Variants in KCNG2 observed in about 807,000 individuals in gnomAD.
KCNG2 encodes the protein potassium voltage-gated channel modifier subfamily G member 2.
KCNG2 carries 7 observed loss-of-function variants against 12.3 expected under a neutral mutation model. The ratio of observed to expected loss-of-function variants is 0.57; its 90% CI spans 0.32 to 1.07. The LOEUF is 1.07. KCNG2 is among the 50% of genes least tolerant of loss of function. The probability of loss-of-function intolerance (pLI) is 0.04; values close to 1 mark genes in which losing one functional copy is unlikely to be tolerated. For missense variants in KCNG2, 703 were observed against 726.0 expected (o/e 0.97, Z 0.36); for synonymous variants, 414 against 351.4 (o/e 1.18, Z -1.99).
At chr18:79,876,283 T>G (rs1283882181) in intron 3 of KCNG2, 1 of 152,500 alleles carries the variant, frequency 6.6e-6, no homozygotes, top group Non-Finnish European at 1.5e-5. Context: ...GCAGGTATGA[T>G]TGAGCTGGCG....
At chr18:79,807,802 C>T (rs1230651029) in intron 1 of KCNG2, among the ~76,000 whole-genome samples, 7 of 146,478 alleles carry the variant, frequency 4.8e-5, no homozygotes, top group South Asian at 2.3e-4. Flanking sequence ...CCACACTCCA[C>T]GTTATGGGCC....
Position 79,822,450 on chromosome 18 carries a change from A to AT in KCNG2, c.-115+24443dup, listed in dbSNP as rs1043968846. 9.2e-5 allele frequency among the ~76,000 whole-genome samples: 14 copies of AT among 151,984 alleles called. No individual in the cohort carries two copies. Among genetic ancestry groups the AT allele is most frequent in the Admixed American group, 2.0e-4 (3 of 15,280 alleles). On this transcript the variant is annotated intron_variant, in intron 1 of 3. Transcript: ENST00000316249. The surrounding 1 kb of genome is among the most constrained non-coding windows in gnomAD (Gnocchi z 4.4). ...AATATTGATACTTTTTAAAGTTATT[A>AT]TTTTTTTGAGACAGGGTCTCACTCT...
intron 2 of KCNG2, among the ~76,000 whole-genome samples, chr18:79,858,062 GTGATCT>G (rs1979082643): frequency 6.6e-6 from 1 of 152,106 alleles, no homozygotes; most frequent in African/African-American, 2.4e-5. Context: ...GCGCAGTGGC[GTGATCT>G]TGTCTCACTG....
chr18:79,845,313 A>G (rs12607467), intron 1 of KCNG2, among the ~76,000 whole-genome samples: 14,056 of 151,950 alleles, frequency 0.093, 893 homozygotes, highest in African/African-American at 0.18. Flanking sequence ...CGCAGGAGGG[A>G]CCCTTGTGTG....
chr18:79,820,689 C>G (rs1182275688), intron 1 of KCNG2, among the ~76,000 whole-genome samples: 1 of 152,210 alleles, frequency 6.6e-6, no homozygotes, highest in Non-Finnish European at 1.5e-5. Flanking sequence ...GAGACAGGGT[C>G]TCACTCTGTT....
At chr18:79,883,179 C>T (rs1980385690) in intron 3 of KCNG2, among the ~76,000 whole-genome samples, 1 of 152,180 alleles carries the variant, frequency 6.6e-6, no homozygotes, top group South Asian at 2.1e-4. Context: ...AGAGGCCAGG[C>T]CAGGAAGCCA....
intron 1 of KCNG2, among the ~76,000 whole-genome samples, chr18:79,810,473 A>G (rs1185845021): frequency 1.3e-5 from 2 of 152,214 alleles, no homozygotes; most frequent in African/African-American, 4.8e-5. Flanking sequence ...GTAGAAATCA[A>G]AAATTAAAAA....
At chr18:79,863,007 G>A (rs1237307010) in intron 2 of KCNG2, among the ~76,000 whole-genome samples, 1 of 152,224 alleles carries the variant, frequency 6.6e-6, no homozygotes, top group Non-Finnish European at 1.5e-5. Flanking sequence ...AGTGCCCCAC[G>A]GTTGGTGCAA....
chr18:79,845,432 G>A (rs1440490285), intron 1 of KCNG2, among the ~76,000 whole-genome samples: 1 of 152,182 alleles, frequency 6.6e-6, no homozygotes, highest in African/African-American at 2.4e-5. Flanking sequence ...GTGCAAGGGT[G>A]CCCGTGTATT....
At position 79,818,623 on chromosome 18, in the gene KCNG2, G is replaced by A. The variant is rs537861646; in HGVS notation, c.-115+20609G>A. ...GTCACCATGTATGACAGTCCCTCCC[G>A]CCAGCATCTCCGATGCGGAAACTGC... On this transcript the variant is annotated intron_variant, in intron 1 of 3. Coordinates refer to ENST00000316249, the MANE Select transcript of KCNG2 (RefSeq NM_012283.2). Among the ~76,000 whole-genome samples, 22 of 152,284 alleles carry A rather than the reference G, an allele frequency of 1.4e-4. 1 individual carries two copies. The highest frequency in any genetic ancestry group is 6.8e-3 in the Middle Eastern group (2 of 294).
At position 79,797,952 on chromosome 18, in the gene KCNG2, C is replaced by T. The variant is rs1049568222; in HGVS notation, c.-177C>T. Among the ~76,000 whole-genome samples, 1 of 151,154 alleles carries T rather than the reference C, an allele frequency of 6.6e-6. No individual in the cohort carries two copies. The highest frequency in any genetic ancestry group is 1.5e-5 in the Non-Finnish European group (1 of 67,712). ...ATGCCGGCTCCAGAGACGCCGCGCT[C>T]CGCCCCGAGGAGGCCGCCGGCCGGG... is the stretch of plus-strand genomic sequence containing the variant. On this transcript the variant is annotated 5_prime_UTR_variant, in exon 1 of 4. Coordinates refer to ENST00000316249, the MANE Select transcript of KCNG2 (RefSeq NM_012283.2).
rs1301480677 is a variant in KCNG2, at chr18:79,856,659, C to G, written c.-41+207C>G. ...CAGGCGCAGCCCCTTCCGAACCCCG[C>G]CTGGGACTGCAGAGGACAGGGGAGC... is the stretch of plus-strand genomic sequence containing the variant. On this transcript the variant is annotated intron_variant, in intron 2 of 3. Coordinates refer to ENST00000316249, the MANE Select transcript of KCNG2 (RefSeq NM_012283.2). Among the ~76,000 whole-genome samples, 5 of 152,282 alleles carry G rather than the reference C, an allele frequency of 3.3e-5. No homozygotes were observed. In the East Asian group the frequency reaches 9.7e-4, roughly 29 times the overall value.
chr18:79,836,655 G>A (rs796331580), intron 1 of KCNG2, among the ~76,000 whole-genome samples: 1 of 152,104 alleles, frequency 6.6e-6, no homozygotes, highest in East Asian at 1.9e-4. Flanking sequence ...CAATCATGGC[G>A]AGAGGTAAAG....
chr18:79,798,928 C>T (rs1029436804), intron 1 of KCNG2, among the ~76,000 whole-genome samples: 2 of 152,186 alleles, frequency 1.3e-5, no homozygotes, highest in Admixed American at 6.5e-5. Flanking sequence ...GTGGAGCCCC[C>T]GCCCGCGCGC....
intron 2 of KCNG2, among the ~76,000 whole-genome samples, chr18:79,860,898 G>A (rs1979189317): frequency 6.6e-6 from 1 of 152,192 alleles, no homozygotes; most frequent in African/African-American, 2.4e-5. Flanking sequence ...CCTGGTCTTA[G>A]GGGAAAGAAT....
chr18:79,830,133 G>GA (rs1210791252), intron 1 of KCNG2, among the ~76,000 whole-genome samples: 1 of 128 alleles, frequency 7.8e-3, no homozygotes, highest in East Asian at 0.25. Context: ...AGATTCTGCA[G>GA]GTCCACGGAG....
intron 2 of KCNG2, among the ~76,000 whole-genome samples, chr18:79,861,271 CTCTTTTTT>C (rs1212897247): frequency 2.9e-4 from 34 of 119,248 alleles, no homozygotes; most frequent in Non-Finnish European, 4.5e-4. Context: ...TTCTCTCTCT[CTCTTTTTT>C]TTTTTTTTTT....
chr18:79,800,707 G>A lies in KCNG2; in HGVS notation c.-115+2693G>A, dbSNP rs1303647643. Among the ~76,000 whole-genome samples, 5 of 152,334 alleles carry A rather than the reference G, an allele frequency of 3.3e-5. No individual in the cohort carries two copies. In the East Asian group the frequency reaches 9.7e-4, roughly 29 times the overall value. On this transcript the variant is annotated intron_variant, in intron 1 of 3. Coordinates refer to ENST00000316249, the MANE Select transcript of KCNG2 (RefSeq NM_012283.2). This position sits in a 1 kb window ranked among gnomAD's most constrained non-coding sequence, Gnocchi z 4.0. ...CCCGGGCGGGCGGCGCTGAGCAGAC[G>A]GGAGGTGGGCTGGTGCCTATGGTTG...
At chr18:79,855,610 T>C (rs1430737056) in intron 1 of KCNG2, among the ~76,000 whole-genome samples, 2 of 152,038 alleles carry the variant, frequency 1.3e-5, no homozygotes, top group African/African-American at 4.8e-5. Flanking sequence ...GCATTGTTTT[T>C]GACCTGGCCA....
Sources: gnomAD v4.1 joint callset for allele counts (sites outside exome capture counted in the v4.1 genomes callset) on GRCh38, gnomAD v4.1.1 for gene constraint, Gnocchi (gnomAD v3.1) non-coding constraint, MANE v1.5 for transcripts, NCBI Gene and HGNC (gene_info 2026-07-23, HGNC 2026-07-21) for gene names.